ATP2C1: variants seen among roughly 807,000 people sequenced by gnomAD.
ATP2C1 encodes the protein ATPase secretory pathway Ca2+ transporting 1, also known as calcium-transporting ATPase type 2C member 1.
Under a neutral mutation model 120.5 loss-of-function variants are expected in ATP2C1, and 31 were observed. The observed-to-expected ratio is 0.26, with a 90% CI of 0.19 to 0.35. ATP2C1 has a LOEUF of 0.35. Ranked by LOEUF, ATP2C1 falls within the 10% of genes least tolerant of loss-of-function variation. The pLI is 1.00. For missense variants in ATP2C1, 731 were observed against 1,107.5 expected (o/e 0.66, Z 4.83); for synonymous variants, 351 against 358.7 (o/e 0.98, Z 0.24).
upstream of ATP2C1, chr3:130,893,981 G>A (rs1360570101): frequency 6.1e-6 from 6 of 985,530 alleles, no homozygotes; most frequent in Non-Finnish European, 3.6e-6. Context: ...CTCAGCGGAA[G>A]TAATAGTGAC....
At chr3:130,969,419 C>T (rs1280261814) in intron 17 of ATP2C1, 23 bp downstream of exon 17, 1 of 1,570,238 alleles carries the variant, frequency 6.4e-7, no homozygotes, top group Non-Finnish European at 8.8e-7. Flanking sequence ...TTAAAGAATA[C>T]TTATTTCCTG....
chr3:130,967,050 G>T, intron 14 of ATP2C1, 95 bp from the exon 15 acceptor site: 1 of 882,578 alleles, frequency 1.1e-6, no homozygotes, highest in South Asian at 1.3e-5. Flanking sequence ...TAAATAAAAT[G>T]AACAGAACTC....
intron 1 of ATP2C1, among the ~76,000 whole-genome samples, chr3:130,883,075 G>A (rs2068837606): frequency 6.6e-6 from 1 of 152,094 alleles, no homozygotes; most frequent in Non-Finnish European, 1.5e-5. Flanking sequence ...ATCTTGGTAG[G>A]TTGTTATGTG....
chr3:130,908,652 T>G (rs181551512), intron 2 of ATP2C1, among the ~76,000 whole-genome samples: 172 of 152,254 alleles, frequency 1.1e-3, no homozygotes, highest in Middle Eastern at 0.01. Flanking sequence ...GAAAAATCAT[T>G]AAGAATGACT....
downstream of ATP2C1, among the ~76,000 whole-genome samples, chr3:131,005,566 A>T (rs1055682005): frequency 6.6e-6 from 1 of 152,242 alleles, no homozygotes; most frequent in Admixed American, 6.5e-5. Context: ...ACACAGGTCC[A>T]TCTGAAATGT....
chr3:130,985,070 A>T (rs1340307689), intron 20 of ATP2C1, among the ~76,000 whole-genome samples: 1 of 152,376 alleles, frequency 6.6e-6, no homozygotes, highest in East Asian at 1.9e-4. Context: ...TCACAAATGC[A>T]GATGTATGAA....
intron 1 of ATP2C1, among the ~76,000 whole-genome samples, chr3:130,851,137 G>A (rs563272135): frequency 8.5e-5 from 13 of 152,248 alleles, no homozygotes; most frequent in East Asian, 1.9e-4. Context: ...GAGATTAAGC[G>A]GAGTTCTGTA....
intron 19 of ATP2C1, 145 bp from the exon 20 acceptor site, chr3:130,980,436 AC>A: frequency 1.5e-6 from 1 of 658,490 alleles, no homozygotes; most frequent in Non-Finnish European, 2.8e-6. Flanking sequence ...AAAACTCCAG[AC>A]TTAATACTGA....
chr3:130,965,805 C>T (rs2061022934), intron 14 of ATP2C1, among the ~76,000 whole-genome samples: 1 of 152,020 alleles, frequency 6.6e-6, no homozygotes, highest in South Asian at 2.1e-4. Context: ...CCTCTTAGTC[C>T]TTATCTTAGG....
chr3:130,907,920 T>C (rs995595607), intron 2 of ATP2C1, among the ~76,000 whole-genome samples: 2 of 152,064 alleles, frequency 1.3e-5, no homozygotes, highest in African/African-American at 2.4e-5. Context: ...TTGAGTACTA[T>C]GTTTGGGTGT....
At position 131,001,366 on chromosome 3, in the gene ATP2C1, T is replaced by G. The variant is rs1272984189; in HGVS notation, c.*16T>G. 4 of 1,611,402 alleles carry G rather than the reference T, an allele frequency of 2.5e-6. No individual in the cohort carries two copies. The highest frequency in any genetic ancestry group is 2.5e-6 in the Non-Finnish European group (3 of 1,178,498). On this transcript the variant is annotated 3_prime_UTR_variant, in exon 28 of 28. Coordinates refer to ENST00000510168, the MANE Select transcript of ATP2C1 (RefSeq NM_001378687.1). The stretch of plus-strand genomic sequence containing the variant: ...TGAAGTATGATGCATATTGCATTAT[T>G]TTATTTGCAAACTAGGAATTGCAGT...
At chr3:131,011,926 A>G (rs1018970770) in intron 26 of ATP2C1, among the ~76,000 whole-genome samples, 1 of 152,164 alleles carries the variant, frequency 6.6e-6, no homozygotes, top group South Asian at 2.1e-4. Context: ...CTCATCTAAT[A>G]CATGTAGGAG....
intron 26 of ATP2C1, among the ~76,000 whole-genome samples, chr3:130,998,723 T>A (rs1032489162): frequency 3.3e-5 from 5 of 152,216 alleles, no homozygotes; most frequent in African/African-American, 1.2e-4. Context: ...TGAGATTTTA[T>A]TAGTCTCATT....
At chr3:130,904,656 A>G (rs1010617265) in intron 2 of ATP2C1, among the ~76,000 whole-genome samples, 8 of 151,986 alleles carry the variant, frequency 5.3e-5, no homozygotes, top group African/African-American at 1.7e-4. Flanking sequence ...ACTGTGTCCC[A>G]TCATACTTAT....
intron 1 of ATP2C1, among the ~76,000 whole-genome samples, chr3:130,870,003 T>C (rs2068378515): frequency 6.6e-6 from 1 of 152,218 alleles, no homozygotes; most frequent in Non-Finnish European, 1.5e-5. Flanking sequence ...CTGTTGACTT[T>C]AAGTTGAAGC....
At chr3:130,937,520 G>T (rs1371631389) in intron 6 of ATP2C1, 57 bp downstream of exon 6, 8 of 1,436,868 alleles carry the variant, frequency 5.6e-6, no homozygotes, top group Non-Finnish European at 7.9e-6. Flanking sequence ...AAAAATCAAG[G>T]TGTCTTGTGG....
upstream of ATP2C1, among the ~76,000 whole-genome samples, chr3:130,891,330 T>C (rs539667649): frequency 4.6e-5 from 7 of 152,176 alleles, no homozygotes; most frequent in Non-Finnish European, 8.8e-5. Context: ...AAATTTGATA[T>C]TAAAAACAAG....
intron 1 of ATP2C1, among the ~76,000 whole-genome samples, chr3:130,874,691 G>T (rs975191008): frequency 1.3e-5 from 2 of 152,138 alleles, no homozygotes; most frequent in African/African-American, 4.8e-5. Flanking sequence ...TAAAGGACTT[G>T]GCTTCTTCGA....
chr3:130,867,606 G>A (rs1473132551), intron 1 of ATP2C1, among the ~76,000 whole-genome samples: 9 of 151,478 alleles, frequency 5.9e-5, no homozygotes, highest in Non-Finnish European at 1.0e-4. Context: ...ATGGTGCCCA[G>A]GCTGGAGTGC....
Sources: gnomAD v4.1 joint callset for allele counts (sites outside exome capture counted in the v4.1 genomes callset) on GRCh38, gnomAD v4.1.1 for gene constraint, MANE v1.5 for transcripts, NCBI Gene and HGNC (gene_info 2026-07-23, HGNC 2026-07-21) for gene names.